USP39: variants seen among roughly 807,000 people sequenced by gnomAD.
USP39 encodes ubiquitin specific peptidase 39, also known as ubiquitin carboxyl-terminal hydrolase 39.
A neutral mutation model predicts 66.4 loss-of-function variants in USP39; 38 were observed. The observed-to-expected ratio is 0.57, with a 90% CI of 0.44 to 0.75. The LOEUF is 0.75. Ranked by LOEUF, USP39 falls within the 30% of genes least tolerant of loss-of-function variation. The pLI is 0.00. For synonymous variants in USP39, 303 were observed against 274.6 expected, an observed-to-expected ratio of 1.10 and a Z score of -1.02; for missense variants, 608 against 714.4, an observed-to-expected ratio of 0.85 and a Z score of 1.70.
chr2:85,632,777 C>T (rs1675458850), intron 6 of USP39, among the ~76,000 whole-genome samples: 1 of 151,900 alleles, frequency 6.6e-6, no homozygotes. Flanking sequence ...AAGGTAATTA[C>T]AGGTGTTAAG....
At chr2:85,619,362 G>A (rs1408092919) in intron 2 of USP39, 73 bp downstream of exon 2, 8 of 1,493,344 alleles carry the variant, frequency 5.4e-6, no homozygotes. Context: ...GGACTGTACA[G>A]TGAACAACAC....
chr2:85,619,899 G>T (rs1471362042), intron 2 of USP39, among the ~76,000 whole-genome samples: 1 of 151,626 alleles, frequency 6.6e-6, no homozygotes, highest in Non-Finnish European at 1.5e-5. Context: ...TTGTCCCCCA[G>T]GCTGGAGTGC....
Position 85,602,881 on chromosome 2 carries a change from C to T in USP39, n.26C>T, listed in dbSNP as rs1038570649. Reference sequence around the variant, plus strand: ...GTCCCAACTTCGGAGGACCTGGGCGCGGAGGGCTGTGGCGTGAAGACCGCT... The same window carrying T: ...GTCCCAACTTCGGAGGACCTGGGCGTGGAGGGCTGTGGCGTGAAGACCGCT... On this transcript the variant is annotated non_coding_transcript_exon_variant, in exon 1 of 13. Transcript: ENST00000459775. This position sits in a 1 kb window ranked among gnomAD's most constrained non-coding sequence, Gnocchi z 5.6. 7 of 152,274 alleles carry T rather than the reference C, an allele frequency of 4.6e-5. No homozygotes were observed. Among genetic ancestry groups the T allele is most frequent in the African/African-American group, 1.2e-4 (5 of 41,462 alleles). The allele number at this position is 152,274 out of a possible 1,614,324, so 9.4% of individuals were successfully genotyped here.
rs374185690 is a variant in USP39 at position 85,616,423 on chromosome 2, C to T, written c.228C>T (p.Arg76=). The T allele has an allele frequency of 1.6e-5, 26 of 1,590,926 alleles. No homozygotes were observed. In the African/African-American group the frequency reaches 3.3e-4, roughly 20 times the overall value. Residue 76 remains arginine, a synonymous_variant, in exon 1 of 13, where the codon CGC becomes CGT. Coordinates refer to ENST00000323701, the MANE Select transcript of USP39 (RefSeq NM_006590.4). ...VVPFVRVKRE[R]EVDEDSEPER... Reference sequence around the variant, plus strand: ...CGTTTGTGCGGGTGAAGCGGGAGCGCGAGGTCGATGAGGACTCGGAGCCTG... The same window carrying T: ...CGTTTGTGCGGGTGAAGCGGGAGCGTGAGGTCGATGAGGACTCGGAGCCTG...
intron 10 of USP39, among the ~76,000 whole-genome samples, chr2:85,643,855 G>A (rs1676438723): frequency 6.6e-6 from 1 of 151,838 alleles, no homozygotes; most frequent in Non-Finnish European, 1.5e-5. Context: ...GTTTCACGAT[G>A]TTACCCAGGC....
intron 10 of USP39, among the ~76,000 whole-genome samples, chr2:85,643,473 G>A (rs1044419796): frequency 7.3e-5 from 11 of 151,042 alleles, no homozygotes; most frequent in Non-Finnish European, 1.0e-4. Context: ...CAGTCTGGGC[G>A]ACAGAGCGAG....
intron 11 of USP39, 72 bp from the exon 12 acceptor site, chr2:85,647,858 C>A: frequency 7.0e-7 from 1 of 1,433,132 alleles, no homozygotes; most frequent in Non-Finnish European, 9.8e-7. Context: ...CTAGTCTTGG[C>A]TATGATCCTT....
In USP39 at chr2:85,625,419, T is replaced by A. The variant is rs919613207; in HGVS notation, c.571-120T>A. ...TTTACACCTACTGGTTCGGACTATT[T>A]TTCTGTGTGTGGTGGGATGTTCATG... is the stretch of plus-strand genomic sequence containing the variant. On this transcript the variant is annotated intron_variant, in intron 4 of 12. Transcript: ENST00000323701. The A allele has an allele frequency of 3.0e-6, 4 of 1,333,258 alleles. No homozygotes were observed. In the African/African-American group the frequency reaches 4.5e-5, roughly 15 times the overall value. 82.6% of individuals were successfully genotyped at this position (1,333,258 alleles called of 1,614,324 possible).
At chr2:85,622,928 A>C (rs1307425152) in intron 3 of USP39, among the ~76,000 whole-genome samples, 1 of 152,234 alleles carries the variant, frequency 6.6e-6, no homozygotes, top group Non-Finnish European at 1.5e-5. Flanking sequence ...GCTTATAAGG[A>C]GTCAAGGTTG....
chr2:85,616,309 T>C lies in USP39; in HGVS notation c.114T>C (p.Pro38=), dbSNP rs777373269. 6.3e-7 allele frequency: 1 copy of C among 1,581,046 alleles called. No homozygotes were observed. Residue 38 remains proline (P), a synonymous_variant, in exon 1 of 13, where the codon CCT becomes CCC. Transcript: ENST00000323701. The part of the protein sequence containing the change: ...VKRERDRERE[P]EAASSRGSPV... ...GGGAGCGAGATCGGGAGCGGGAGCCTGAGGCGGCGAGCTCCCGGGGCAGCC... is the reference window on the plus strand; with the variant it reads ...GGGAGCGAGATCGGGAGCGGGAGCCCGAGGCGGCGAGCTCCCGGGGCAGCC...
chr2:85,611,898 G>T (rs370522883), upstream of USP39: 20 of 1,595,340 alleles, frequency 1.3e-5, no homozygotes, highest in African/African-American at 2.7e-4. Context: ...GGTTCCGTCG[G>T]ATATGGTGCA....
intron 6 of USP39, among the ~76,000 whole-genome samples, chr2:85,634,706 G>C (rs72923062): frequency 0.076 from 11,521 of 152,198 alleles, 1,467 homozygotes; most frequent in African/African-American, 0.26. Flanking sequence ...TCTGTTTCTG[G>C]ACCAACTCCC....
intron 1 of USP39, among the ~76,000 whole-genome samples, chr2:85,618,417 C>G (rs997329306): frequency 2.0e-5 from 3 of 151,740 alleles, no homozygotes; most frequent in Admixed American, 1.3e-4. Flanking sequence ...TGAAAATTAG[C>G]TGGGTGTGGT....
chr2:85,608,328 G>C (rs192206692), upstream of USP39: 1 of 152,238 alleles, frequency 6.6e-6, no homozygotes, highest in East Asian at 1.9e-4. Context: ...CACTTTATTG[G>C]TATCAGAATT....
At chr2:85,620,705 C>T (rs1573398511) in intron 2 of USP39, among the ~76,000 whole-genome samples, 1 of 152,250 alleles carries the variant, frequency 6.6e-6, no homozygotes, top group South Asian at 2.1e-4. Flanking sequence ...GAACCAGTGT[C>T]CTGTGGCTAC....
intron 8 of USP39, among the ~76,000 whole-genome samples, chr2:85,638,624 C>T (rs1001931339): frequency 6.6e-6 from 1 of 151,276 alleles, no homozygotes; most frequent in Non-Finnish European, 1.5e-5. Flanking sequence ...CCGCAACCTC[C>T]GCCTCCCGAG....
At chr2:85,639,116 A>G (rs1676024944) in intron 8 of USP39, 87 bp from the exon 9 acceptor site, 1 of 1,322,910 alleles carries the variant, frequency 7.6e-7, no homozygotes, top group Non-Finnish European at 1.0e-6. Flanking sequence ...AGATGAAGGA[A>G]ATGTCGGCGT....
intron 1 of USP39, among the ~76,000 whole-genome samples, chr2:85,618,575 CAAAAA>C (rs994160298): frequency 1.5e-5 from 2 of 136,870 alleles, no homozygotes; most frequent in Non-Finnish European, 3.2e-5. Context: ...AAAAAAAAAA[CAAAAA>C]AAAAACGAAA....
At position 85,625,546 on chromosome 2, in the gene USP39, T is replaced by C. The variant is rs1405499060; in HGVS notation, c.578T>C (p.Leu193Ser). Reference protein sequence around the residue: ...DSSLEDITYVLKPTFTKQQIA... With the variant: ...DSSLEDITYVSKPTFTKQQIA... ...TTTTCTTTTGCTTTGCAGTATGTGT[T>C]GAAGCCCACTTTCACAAAGCAGCAA... The change falls in exon 5 of 13, where the codon TTG becomes TCG. Residue 193 changes from leucine (L) to serine (S), a missense_variant. By Grantham distance (145) the Leu-to-Ser change is moderately radical. This residue lies in a region of USP39 where 115 missense variants were observed against 198.6 expected (regional missense o/e 0.58). Coordinates refer to ENST00000323701, the MANE Select transcript of USP39 (RefSeq NM_006590.4). 2 of 1,613,812 alleles carry C rather than the reference T, an allele frequency of 1.2e-6. No individual in the cohort carries two copies.
Sources: allele counts gnomAD v4.1 joint callset (sites outside exome capture counted in the v4.1 genomes callset), GRCh38; gene constraint gnomAD v4.1.1; regional missense constraint gnomAD v4.1.1; non-coding constraint Gnocchi (gnomAD v3.1); transcripts MANE v1.5; gene names NCBI Gene and HGNC (gene_info 2026-07-23, HGNC 2026-07-21).